Variants in SLC9A9 observed in about 807,000 individuals in gnomAD.
SLC9A9 encodes solute carrier family 9 member A9.
Under a neutral mutation model 77.8 loss-of-function variants are expected in SLC9A9, and 62 were observed. The observed-to-expected ratio is 0.80, with a 90% CI of 0.65 to 0.98. The LOEUF is 0.98. Among genes scored for constraint, SLC9A9 ranks in the 50% least tolerant of loss-of-function variants. The probability of loss-of-function intolerance (pLI) is 0.00; values close to 1 mark genes in which losing one functional copy is unlikely to be tolerated. For synonymous variants in SLC9A9, 320 were observed against 283.5 expected, an observed-to-expected ratio of 1.13 and a Z score of -1.29; for missense variants, 775 against 774.9, an observed-to-expected ratio of 1.00 and a Z score of 0.00.
intron 4 of SLC9A9, among the ~76,000 whole-genome samples, chr3:143,780,892 A>C (rs1160279904): frequency 1.3e-5 from 2 of 152,364 alleles, no homozygotes; most frequent in East Asian, 3.8e-4. Flanking sequence ...TACAAAATTT[A>C]TAACATAAAT....
At chr3:143,826,834 C>G (rs2009312256) in intron 2 of SLC9A9, among the ~76,000 whole-genome samples, 1 of 152,164 alleles carries the variant, frequency 6.6e-6, no homozygotes, top group Non-Finnish European at 1.5e-5. Flanking sequence ...AACTGCCCTT[C>G]TTAGAAATCT....
At chr3:143,374,460 G>A (rs1360767207) in intron 13 of SLC9A9, among the ~76,000 whole-genome samples, 1 of 148,848 alleles carries the variant, frequency 6.7e-6, no homozygotes, top group Non-Finnish European at 1.5e-5. Context: ...AAAACATGGA[G>A]GCCAGAACAC....
At chr3:143,505,529 T>A (rs1455380813) in intron 9 of SLC9A9, among the ~76,000 whole-genome samples, 1 of 152,154 alleles carries the variant, frequency 6.6e-6, no homozygotes, top group Non-Finnish European at 1.5e-5. Flanking sequence ...GTAGAGGAGG[T>A]GCACCACTTA....
At chr3:143,825,086 T>G (rs1477043378) in intron 2 of SLC9A9, among the ~76,000 whole-genome samples, 1 of 152,160 alleles carries the variant, frequency 6.6e-6, no homozygotes, top group Admixed American at 6.5e-5. Flanking sequence ...TACAAATGCT[T>G]CTCCACACCC....
In SLC9A9 at chr3:143,400,241, T is replaced by C. The variant is rs1034013051; in HGVS notation, c.1470-18127A>G. Among the ~76,000 whole-genome samples the C allele has an allele frequency of 3.3e-5, 5 of 152,142 alleles. No homozygotes were observed. The East Asian group carries it at 9.6e-4, about 29-fold the overall frequency. ...CTGGATATTTCATGTATGGCTAGTATGTTATTTGCTGTCATTGGGGAAAAA... is the reference window on the plus strand; with the variant it reads ...CTGGATATTTCATGTATGGCTAGTACGTTATTTGCTGTCATTGGGGAAAAA... On this transcript the variant is annotated intron_variant, in intron 12 of 15. Transcript: ENST00000316549.
At chr3:143,387,027 G>T (rs1461186349) in intron 12 of SLC9A9, among the ~76,000 whole-genome samples, 1 of 152,156 alleles carries the variant, frequency 6.6e-6, no homozygotes. Context: ...TTTCAGTAGA[G>T]ATGGGGTTTT....
intron 6 of SLC9A9, among the ~76,000 whole-genome samples, chr3:143,588,243 G>A (rs2037579690): frequency 2.6e-5 from 4 of 152,184 alleles, no homozygotes; most frequent in Non-Finnish European, 4.4e-5. Flanking sequence ...CCCACCCTGA[G>A]GGTCATTGAC....
chr3:143,485,089 C>T (rs758028235), intron 11 of SLC9A9, among the ~76,000 whole-genome samples: 1 of 152,236 alleles, frequency 6.6e-6, no homozygotes, highest in Non-Finnish European at 1.5e-5. Flanking sequence ...AGTCTTCCAA[C>T]CTTCACCCTT....
intron 14 of SLC9A9, among the ~76,000 whole-genome samples, chr3:143,277,494 G>T (rs1238050829): frequency 1.3e-5 from 2 of 152,158 alleles, no homozygotes; most frequent in East Asian, 3.9e-4. Flanking sequence ...ACTGCATAGT[G>T]CCATGGTAAC....
At chr3:143,493,789 T>C (rs372402210) in intron 10 of SLC9A9, 25 bp from the exon 11 acceptor site, 11 of 1,512,154 alleles carry the variant, frequency 7.3e-6, no homozygotes, top group African/African-American at 1.4e-5. Context: ...AGGGAAACAT[T>C]GAGGAAAGTG....
chr3:143,429,132 TGAAA>T (rs2034461248), intron 12 of SLC9A9, among the ~76,000 whole-genome samples: 1 of 152,354 alleles, frequency 6.6e-6, no homozygotes, highest in East Asian at 1.9e-4. Context: ...ATACATGCAT[TGAAA>T]TATCACATTG....
At chr3:143,621,801 A>G (rs1257736677) in intron 6 of SLC9A9, among the ~76,000 whole-genome samples, 1 of 152,220 alleles carries the variant, frequency 6.6e-6, no homozygotes, top group East Asian at 1.9e-4. Context: ...AAGGCTTCAG[A>G]CGATCAAACT....
chr3:143,457,178 C>T (rs2035109064), intron 12 of SLC9A9, among the ~76,000 whole-genome samples: 1 of 152,022 alleles, frequency 6.6e-6, no homozygotes, highest in African/African-American at 2.4e-5. Flanking sequence ...TACCACCATG[C>T]CTGGCTAATT....
At chr3:143,399,537 C>A (rs1239699884) in intron 12 of SLC9A9, among the ~76,000 whole-genome samples, 1 of 151,978 alleles carries the variant, frequency 6.6e-6, no homozygotes, top group Non-Finnish European at 1.5e-5. Context: ...TGTCTTAGAG[C>A]AGAAGAGAAA....
At chr3:143,718,395 GA>G (rs147522259) in intron 4 of SLC9A9, among the ~76,000 whole-genome samples, 5,214 of 152,152 alleles carry the variant, frequency 0.034, 285 homozygotes, top group African/African-American at 0.12. Context: ...TGATTTTTTT[GA>G]AACAGTATCC....
At chr3:143,752,322 C>G (rs1254352151) in intron 4 of SLC9A9, among the ~76,000 whole-genome samples, 1 of 152,172 alleles carries the variant, frequency 6.6e-6, no homozygotes, top group Non-Finnish European at 1.5e-5. Flanking sequence ...TTTGAATTCT[C>G]TTTTTTATCG....
At chr3:143,370,573 A>G (rs907789941) in intron 13 of SLC9A9, among the ~76,000 whole-genome samples, 18 of 122,266 alleles carry the variant, frequency 1.5e-4, no homozygotes, top group East Asian at 6.2e-4. Flanking sequence ...GCGCGCACAC[A>G]CACACACACA....
intron 5 of SLC9A9, among the ~76,000 whole-genome samples, chr3:143,675,381 C>A (rs1057080477): frequency 4.6e-5 from 7 of 152,220 alleles, no homozygotes; most frequent in Non-Finnish European, 1.0e-4. Context: ...CTCCTGGCTT[C>A]TAATTTCAGT....
chr3:143,541,273 C>T (rs577319921), intron 9 of SLC9A9, among the ~76,000 whole-genome samples: 3 of 152,240 alleles, frequency 2.0e-5, no homozygotes, highest in East Asian at 1.9e-4. Flanking sequence ...TTTCACATCA[C>T]GAGGACACCC....
Sources: gnomAD v4.1 joint callset for allele counts (sites outside exome capture counted in the v4.1 genomes callset) on GRCh38, gnomAD v4.1.1 for gene constraint, MANE v1.5 for transcripts, NCBI Gene and HGNC (gene_info 2026-07-23, HGNC 2026-07-21) for gene names.